Variants in PLA2G4A observed in about 807,000 individuals in gnomAD.
The protein encoded by PLA2G4A is phospholipase A2 group IVA, also known as cytosolic phospholipase A2.
A neutral mutation model predicts 81.9 loss-of-function variants in PLA2G4A; 40 were observed. The observed-to-expected ratio is 0.49, with a 90% CI of 0.38 to 0.64. The LOEUF is 0.64. Ranked by LOEUF, PLA2G4A falls within the 30% of genes least tolerant of loss-of-function variation. The pLI, the probability that PLA2G4A is intolerant of heterozygous loss-of-function variation, is 0.00. For synonymous variants in PLA2G4A, 302 were observed against 296.9 expected, an observed-to-expected ratio of 1.02 and a Z score of -0.18; for missense variants, 715 against 905.1, an observed-to-expected ratio of 0.79 and a Z score of 2.69.
intron 7 of PLA2G4A, among the ~76,000 whole-genome samples, chr1:186,921,040 G>A (rs905694322): frequency 1.1e-4 from 16 of 152,176 alleles, no homozygotes; most frequent in Non-Finnish European, 7.3e-5. Flanking sequence ...GAATTGTGCT[G>A]GACTCTCCTC....
At chr1:186,882,147 G>A (rs972039364) in intron 3 of PLA2G4A, among the ~76,000 whole-genome samples, 1 of 152,066 alleles carries the variant, frequency 6.6e-6, no homozygotes, top group African/African-American at 2.4e-5. Context: ...TACCTAATCA[G>A]CAGGTTGAAG....
intron 7 of PLA2G4A, among the ~76,000 whole-genome samples, chr1:186,930,594 C>G (rs113424732): frequency 6.6e-6 from 1 of 152,100 alleles, no homozygotes; most frequent in African/African-American, 2.4e-5. Flanking sequence ...TAATCTGTTA[C>G]TAAGAACTTT....
chr1:186,915,441 C>T (rs1188071797), intron 7 of PLA2G4A, among the ~76,000 whole-genome samples: 3 of 152,100 alleles, frequency 2.0e-5, no homozygotes, highest in African/African-American at 7.2e-5. Context: ...CCAACTTGTG[C>T]CCAAGTAGCA....
chr1:186,964,860 T>G (rs1036411146), intron 14 of PLA2G4A, among the ~76,000 whole-genome samples: 2 of 152,156 alleles, frequency 1.3e-5, no homozygotes, highest in African/African-American at 4.8e-5. Context: ...GGCTGGATGA[T>G]TTCCTTGAAC....
At chr1:186,870,389 T>G in intron 2 of PLA2G4A, 46 bp from the exon 3 acceptor site, 1 of 1,103,312 alleles carries the variant, frequency 9.1e-7, no homozygotes, top group Non-Finnish European at 1.4e-6. Context: ...AAAATGAGGT[T>G]CTATGTTGGA....
chr1:186,845,430 TC>T (rs1255188207), intron 1 of PLA2G4A, among the ~76,000 whole-genome samples: 2 of 152,126 alleles, frequency 1.3e-5, no homozygotes, highest in African/African-American at 4.8e-5. Context: ...GGGGCGATTT[TC>T]CCTACGTACA....
At chr1:186,862,523 T>C (rs1307731406) in intron 2 of PLA2G4A, among the ~76,000 whole-genome samples, 1 of 152,202 alleles carries the variant, frequency 6.6e-6, no homozygotes, top group Non-Finnish European at 1.5e-5. Flanking sequence ...GAACCTTTTA[T>C]TTGTTGCTTA....
intron 6 of PLA2G4A, 112 bp downstream of exon 6, chr1:186,907,114 T>G: frequency 1.5e-6 from 1 of 660,182 alleles, no homozygotes. Context: ...CATATAGAAG[T>G]GCATTATGTT....
chr1:186,864,644 A>T, intron 2 of PLA2G4A, among the ~76,000 whole-genome samples: 1 of 110,436 alleles, frequency 9.1e-6, no homozygotes, highest in South Asian at 3.9e-4. Flanking sequence ...TTTAAAAATC[A>T]GATTATTATT....
At chr1:186,927,899 G>A (rs528526096) in intron 7 of PLA2G4A, among the ~76,000 whole-genome samples, 12 of 152,024 alleles carry the variant, frequency 7.9e-5, no homozygotes, top group Non-Finnish European at 1.5e-4. Flanking sequence ...ATATTTCCTC[G>A]CCTCTTTCCA....
At chr1:186,942,368 C>A (rs182503278) in intron 10 of PLA2G4A, among the ~76,000 whole-genome samples, 1 of 152,220 alleles carries the variant, frequency 6.6e-6, no homozygotes, top group East Asian at 1.9e-4. Context: ...GAAAGAATTA[C>A]ATGGTCAAAA....
intron 7 of PLA2G4A, among the ~76,000 whole-genome samples, chr1:186,922,799 C>G (rs546949405): frequency 1.3e-5 from 2 of 152,324 alleles, no homozygotes; most frequent in African/African-American, 4.8e-5. Context: ...TGAGCAATTC[C>G]TGTCCCTTTT....
chr1:186,912,636 G>A (rs1360654532), intron 7 of PLA2G4A, among the ~76,000 whole-genome samples: 1 of 149,916 alleles, frequency 6.7e-6, no homozygotes, highest in Non-Finnish European at 1.5e-5. Flanking sequence ...TTCATGGTTT[G>A]GATAGCACAT....
chr1:186,978,720 G>A (rs1337385534), intron 16 of PLA2G4A, among the ~76,000 whole-genome samples: 2 of 152,172 alleles, frequency 1.3e-5, no homozygotes, highest in Admixed American at 6.5e-5. Flanking sequence ...TAATGTTTTA[G>A]TTTGGGTTCT....
intron 1 of PLA2G4A, among the ~76,000 whole-genome samples, chr1:186,849,671 T>C (rs1266246222): frequency 6.6e-6 from 1 of 152,160 alleles, no homozygotes; most frequent in African/African-American, 2.4e-5. Flanking sequence ...AGCTCCTTTT[T>C]AGTGCTCACC....
chr1:186,898,786 C>T (rs10911951), intron 5 of PLA2G4A, among the ~76,000 whole-genome samples: 59,355 of 152,026 alleles, frequency 0.39, 12,693 homozygotes, highest in Non-Finnish European at 0.48. Context: ...AGGTGGCCAA[C>T]AACAGTATAC....
intron 7 of PLA2G4A, among the ~76,000 whole-genome samples, chr1:186,912,775 T>TAC (rs1655003366): frequency 3.1e-5 from 4 of 131,084 alleles, no homozygotes; most frequent in African/African-American, 1.3e-4. Flanking sequence ...AGTATATATA[T>TAC]ATGTATACTT....
At chr1:186,916,720 G>A (rs1571398501) in intron 7 of PLA2G4A, among the ~76,000 whole-genome samples, 1 of 152,110 alleles carries the variant, frequency 6.6e-6, no homozygotes, top group Admixed American at 6.5e-5. Flanking sequence ...CCTGTACTGA[G>A]TGTCATTATA....
At chr1:186,861,229 T>A (rs1652784807) in intron 2 of PLA2G4A, among the ~76,000 whole-genome samples, 1 of 152,204 alleles carries the variant, frequency 6.6e-6, no homozygotes, top group Non-Finnish European at 1.5e-5. Flanking sequence ...ATGTTCATGC[T>A]TAGTCCTATG....
Sources: allele counts gnomAD v4.1 joint callset (sites outside exome capture counted in the v4.1 genomes callset), GRCh38; gene constraint gnomAD v4.1.1; transcripts MANE v1.5; gene names NCBI Gene and HGNC (gene_info 2026-07-23, HGNC 2026-07-21).